GALNT10: variants seen among roughly 807,000 people sequenced by gnomAD.
GALNT10 encodes GalNAc transferase 10.
In GALNT10, 41 loss-of-function variants were observed where a neutral mutation model predicts 75.0. That is an observed-to-expected ratio of 0.55 (90% confidence interval 0.43 to 0.71). GALNT10 has a LOEUF of 0.71. Ranked by LOEUF, GALNT10 falls within the 30% of genes least tolerant of loss-of-function variation. The pLI is 0.00. For missense variants in GALNT10, 727 were observed against 818.5 expected (o/e 0.89, Z 1.36); for synonymous variants, 302 against 313.0 (o/e 0.96, Z 0.37).
rs1359719352 is a variant in GALNT10 at position 154,409,592 on chromosome 5, T to G, written c.1216T>G (p.Tyr406Asp). ...VWMDEYAEYI[Y>D]QRRPEYRHLS... ...GATGGATGAGTACGCAGAGTACATTTACCAGCGCCGGCCTGAATACCGCCA... is the reference window on the plus strand; with the variant it reads ...GATGGATGAGTACGCAGAGTACATTGACCAGCGCCGGCCTGAATACCGCCA... The change falls in exon 9 of 12, where the codon TAC becomes GAC. Residue 406 changes from tyrosine to aspartate, a missense_variant. Tyr to Asp is a radical substitution (Grantham distance 160). Coordinates refer to ENST00000297107, the MANE Select transcript of GALNT10 (RefSeq NM_198321.4). The surrounding 1 kb of genome is among the most constrained non-coding windows in gnomAD (Gnocchi z 4.5). The G allele has an allele frequency of 6.2e-7, 1 of 1,614,104 alleles. No individual in the cohort carries two copies. Among genetic ancestry groups the G allele is most frequent in the East Asian group, 2.2e-5 (1 of 44,886 alleles).
chr5:154,209,841 G>A (rs559303017), intron 1 of GALNT10, among the ~76,000 whole-genome samples: 123 of 152,224 alleles, frequency 8.1e-4, no homozygotes, highest in African/African-American at 2.8e-3. Flanking sequence ...TTAGTAAAGT[G>A]CATGTGTTAT....
At chr5:154,362,927 A>G (rs1427976188) in intron 4 of GALNT10, among the ~76,000 whole-genome samples, 1 of 152,186 alleles carries the variant, frequency 6.6e-6, no homozygotes, top group African/African-American at 2.4e-5. Context: ...GGGCGAGGGC[A>G]TAAGCTGTTG....
In GALNT10 at chr5:154,378,589, C is replaced by T. The variant is rs908036227; in HGVS notation, c.755-1859C>T. Among the ~76,000 whole-genome samples, 3 of 152,304 alleles carry T rather than the reference C, an allele frequency of 2.0e-5. No individual in the cohort carries two copies. The East Asian group carries it at 5.8e-4, about 29-fold the overall frequency. ...CCAGAGGCTGCACTGAGTGCCGTGG[C>T]TCCATCATCCCACTTGGACCTCACA... On this transcript the variant is annotated intron_variant, in intron 5 of 11. Coordinates refer to ENST00000297107, the MANE Select transcript of GALNT10 (RefSeq NM_198321.4).
intron 3 of GALNT10, among the ~76,000 whole-genome samples, chr5:154,310,062 C>T (rs759386634): frequency 1.6e-4 from 24 of 152,164 alleles, no homozygotes; most frequent in Admixed American, 9.2e-4. Flanking sequence ...TACCCATAAC[C>T]TTCCACCCTT....
intron 1 of GALNT10, among the ~76,000 whole-genome samples, chr5:154,282,914 C>T (rs561222502): frequency 6.6e-6 from 1 of 152,138 alleles, no homozygotes; most frequent in Non-Finnish European, 1.5e-5. Flanking sequence ...AAATGATCAT[C>T]CAAATGAATG....
At chr5:154,354,757 T>C (rs1283634823) in intron 4 of GALNT10, among the ~76,000 whole-genome samples, 2 of 152,190 alleles carry the variant, frequency 1.3e-5, no homozygotes, top group Non-Finnish European at 2.9e-5. Flanking sequence ...CGTCTTTATA[T>C]CATGACACTC....
In GALNT10 at chr5:154,420,684, C is replaced by T. The variant is rs1450111885; in HGVS notation, c.*3712C>T. ...CCACTGCCACCTCTGGGATGGGAGT[C>T]GGACCTACATACCAAGTGACAAGTT... On this transcript the variant is annotated 3_prime_UTR_variant, in exon 12 of 12. Coordinates refer to ENST00000297107, the MANE Select transcript of GALNT10 (RefSeq NM_198321.4). 5 of 152,290 alleles carry T rather than the reference C, an allele frequency of 3.3e-5. No homozygotes were observed. The East Asian group carries it at 7.7e-4, about 23-fold the overall frequency. The allele number at this position is 152,290 out of a possible 1,614,324, so 9.4% of individuals were successfully genotyped here.
intron 2 of GALNT10, 26 bp from the exon 3 acceptor site, chr5:154,297,915 A>G (rs1217886815): frequency 4.4e-6 from 7 of 1,607,998 alleles, no homozygotes. Flanking sequence ...ATCATTAGCA[A>G]CATCGAATTT....
intron 1 of GALNT10, among the ~76,000 whole-genome samples, chr5:154,231,598 A>G (rs1231448584): frequency 1.3e-5 from 2 of 152,280 alleles, no homozygotes; most frequent in Middle Eastern, 3.4e-3. Flanking sequence ...CCTGTTAACT[A>G]TCAAGTGCCT....
intron 1 of GALNT10, among the ~76,000 whole-genome samples, chr5:154,264,240 G>A (rs1266138687): frequency 6.7e-6 from 1 of 149,998 alleles, no homozygotes; most frequent in Admixed American, 6.7e-5. Context: ...TTGAACCTGG[G>A]AGGCGGAGGT....
chr5:154,403,214 T>C (rs538096715), intron 7 of GALNT10, among the ~76,000 whole-genome samples: 1 of 152,320 alleles, frequency 6.6e-6, no homozygotes, highest in Admixed American at 6.5e-5. Flanking sequence ...AGGGTCTGTG[T>C]AGGCCAAAGT....
intron 3 of GALNT10, among the ~76,000 whole-genome samples, chr5:154,306,814 A>C (rs1754442134): frequency 6.6e-6 from 1 of 152,206 alleles, no homozygotes; most frequent in Admixed American, 6.5e-5. Context: ...CTGTCTCAAT[A>C]ACTGGTAATA....
intron 1 of GALNT10, among the ~76,000 whole-genome samples, chr5:154,226,767 C>T (rs1753069035): frequency 6.6e-6 from 1 of 152,130 alleles, no homozygotes; most frequent in Non-Finnish European, 1.5e-5. Context: ...ATCACCACCT[C>T]AAGAAAATGA....
intron 1 of GALNT10, among the ~76,000 whole-genome samples, chr5:154,247,930 A>G (rs1753455580): frequency 6.9e-6 from 1 of 144,490 alleles, no homozygotes; most frequent in Non-Finnish European, 1.5e-5. Flanking sequence ...CCCATTCAGT[A>G]TGATATTGGC....
At position 154,337,149 on chromosome 5, in the gene GALNT10, C is replaced by T. The variant is rs567887100; in HGVS notation, c.568+7411C>T. Among the ~76,000 whole-genome samples the T allele has an allele frequency of 2.6e-4, 39 of 152,174 alleles. No homozygotes were observed. In the South Asian group the frequency reaches 7.7e-3, roughly 30 times the overall value. On this transcript the variant is annotated intron_variant, in intron 4 of 11. Transcript: ENST00000297107. ...TTTTTTAAAAGACACATTTATTCAGCGTCATGATCAGACTATTACATTTAG... is the reference window on the plus strand; with the variant it reads ...TTTTTTAAAAGACACATTTATTCAGTGTCATGATCAGACTATTACATTTAG...
At chr5:154,302,668 T>A (rs1201012137) in intron 3 of GALNT10, among the ~76,000 whole-genome samples, 1 of 152,196 alleles carries the variant, frequency 6.6e-6, no homozygotes, top group Non-Finnish European at 1.5e-5. Flanking sequence ...GCTTTCTCCA[T>A]TCCATAGTTT....
chr5:154,351,540 A>G (rs1237035799), intron 4 of GALNT10, among the ~76,000 whole-genome samples: 12 of 152,268 alleles, frequency 7.9e-5, no homozygotes, highest in Non-Finnish European at 2.9e-5. Flanking sequence ...CCAACATAGT[A>G]AACATGATAA....
chr5:154,376,487 G>C lies in GALNT10; in HGVS notation c.754+25G>C. 1 of 1,541,620 alleles carries C rather than the reference G, an allele frequency of 6.5e-7. No homozygotes were observed. The highest frequency in any genetic ancestry group is 8.7e-7 in the Non-Finnish European group (1 of 1,146,268). ...GGTAAGGGAGCCCCTCCCACTTGGA[G>C]GGAGGCAAACTGCAATGAGCCAGTG... On this transcript the variant is annotated intron_variant, in intron 5 of 11. Coordinates refer to ENST00000297107, the MANE Select transcript of GALNT10 (RefSeq NM_198321.4). This position sits in a 1 kb window ranked among gnomAD's most constrained non-coding sequence, Gnocchi z 4.1.
intron 2 of GALNT10, among the ~76,000 whole-genome samples, chr5:154,296,080 T>C (rs549029454): frequency 6.6e-6 from 1 of 152,106 alleles, no homozygotes; most frequent in East Asian, 1.9e-4. Flanking sequence ...TTTTTTTGTT[T>C]GTTTGTTTTG....
Sources: allele counts gnomAD v4.1 joint callset (sites outside exome capture counted in the v4.1 genomes callset), GRCh38; gene constraint gnomAD v4.1.1; non-coding constraint Gnocchi (gnomAD v3.1); transcripts MANE v1.5; gene names NCBI Gene and HGNC (gene_info 2026-07-23, HGNC 2026-07-21).